Variants in SNAP25 observed in about 807,000 individuals in gnomAD.
The protein encoded by SNAP25 is synaptosome associated protein 25, also known as synaptosomal-associated protein 25.
Under a neutral mutation model 28.7 loss-of-function variants are expected in SNAP25, and 3 were observed. The ratio of observed to expected loss-of-function variants is 0.10; its 90% confidence interval spans 0.05 to 0.27. The LOEUF (loss-of-function observed/expected upper bound fraction) is 0.27. Ranked by LOEUF, SNAP25 falls within the 10% of genes least tolerant of loss-of-function variation. The pLI is 1.00. For synonymous variants in SNAP25, 61 were observed against 88.1 expected, an observed-to-expected ratio of 0.69 and a Z score of 1.72; for missense variants, 117 against 278.7, an observed-to-expected ratio of 0.42 and a Z score of 4.13.
In SNAP25 at chr20:10,277,740, G is replaced by A; in HGVS notation, c.114+14G>A. On this transcript the variant is annotated intron_variant, in intron 3 of 7. Transcript: ENST00000254976. ...CTGGTTGAAGAGGTAAGAAGTGACA[G>A]TATTTTAAGATAAAGGAACAAATCC... 6.2e-7 allele frequency: 1 copy of A among 1,612,104 alleles called. No individual in the cohort carries two copies. Among genetic ancestry groups the A allele is most frequent in the East Asian group, 2.2e-5 (1 of 44,864 alleles).
Position 10,288,497 on chromosome 20 carries a change from C to A in SNAP25, c.163+3725C>A, listed in dbSNP as rs1479159758. Among the ~76,000 whole-genome samples the A allele has an allele frequency of 2.6e-5, 4 of 152,146 alleles. No individual in the cohort carries two copies. In the East Asian group the frequency reaches 7.7e-4, roughly 29 times the overall value. Reference sequence around the variant, plus strand: ...ATTTGCTGAAATCTTCATAAAAATGCAAAAATATATCTTCTTTAGCACAAA... The same window carrying A: ...ATTTGCTGAAATCTTCATAAAAATGAAAAAATATATCTTCTTTAGCACAAA... On this transcript the variant is annotated intron_variant, in intron 4 of 7. Transcript: ENST00000254976.
chr20:10,252,946 C>T (rs1190761419), intron 1 of SNAP25, among the ~76,000 whole-genome samples: 1 of 151,934 alleles, frequency 6.6e-6, no homozygotes, highest in Non-Finnish European at 1.5e-5. Flanking sequence ...AATAATAGAT[C>T]TCTGTTTCAT....
intron 1 of SNAP25, among the ~76,000 whole-genome samples, chr20:10,258,355 ACTC>A (rs1324243934): frequency 4.0e-5 from 6 of 151,740 alleles, no homozygotes; most frequent in African/African-American, 1.2e-4. Context: ...TTCATCACAT[ACTC>A]CTTCTATATT....
At chr20:10,294,076 A>G (rs2064053986) in intron 5 of SNAP25, among the ~76,000 whole-genome samples, 1 of 152,204 alleles carries the variant, frequency 6.6e-6, no homozygotes, top group African/African-American at 2.4e-5. Flanking sequence ...GTTCTGGAAG[A>G]TTGTCTCATT....
At chr20:10,284,584 C>T in intron 3 of SNAP25, 140 bp from the exon 4 acceptor site, 1 of 700,262 alleles carries the variant, frequency 1.4e-6, no homozygotes, top group Non-Finnish European at 2.5e-6. Flanking sequence ...CCTCAGGGCT[C>T]TTGTCATACT....
At position 10,253,798 on chromosome 20, in the gene SNAP25, G is replaced by A. The variant is rs543664121; in HGVS notation, c.-63-21631G>A. On this transcript the variant is annotated intron_variant, in intron 1 of 7. Transcript: ENST00000254976. The stretch of plus-strand genomic sequence containing the variant: ...CTGGCAGTTGTAGATGTGGTTTAGT[G>A]ACATTTGTACATTTTGTGATCTACA... 4.6e-5 allele frequency among the ~76,000 whole-genome samples: 7 copies of A among 152,294 alleles called. No homozygotes were observed. The East Asian group carries it at 1.3e-3, about 29-fold the overall frequency.
intron 1 of SNAP25, among the ~76,000 whole-genome samples, chr20:10,254,188 T>C (rs2063279479): frequency 1.3e-5 from 2 of 152,234 alleles, no homozygotes; most frequent in South Asian, 4.1e-4. Context: ...TACAGAAAGT[T>C]GCTTCATCCA....
At chr20:10,226,181 T>G (rs1197846726) in intron 1 of SNAP25, among the ~76,000 whole-genome samples, 1 of 152,198 alleles carries the variant, frequency 6.6e-6, no homozygotes, top group Non-Finnish European at 1.5e-5. Context: ...TAAATCACAC[T>G]GTGACTTCTC....
intron 1 of SNAP25, among the ~76,000 whole-genome samples, chr20:10,252,834 A>G (rs1419415135): frequency 6.6e-6 from 1 of 151,842 alleles, no homozygotes; most frequent in Non-Finnish European, 1.5e-5. Flanking sequence ...TCTCGACTCA[A>G]AGAGATTTAA....
chr20:10,275,174 C>A (rs1159373760), intron 1 of SNAP25, among the ~76,000 whole-genome samples: 1 of 152,070 alleles, frequency 6.6e-6, no homozygotes, highest in African/African-American at 2.4e-5. Context: ...ATTCCCAACC[C>A]TTGGGTAGTT....
intron 4 of SNAP25, among the ~76,000 whole-genome samples, chr20:10,292,463 G>A (rs1365810721): frequency 6.6e-6 from 1 of 152,154 alleles, no homozygotes; most frequent in Non-Finnish European, 1.5e-5. Context: ...TTATCTGGTT[G>A]AGGATGCTTA....
At chr20:10,231,062 T>C (rs2062821214) in intron 1 of SNAP25, among the ~76,000 whole-genome samples, 1 of 152,080 alleles carries the variant, frequency 6.6e-6, no homozygotes, top group Non-Finnish European at 1.5e-5. Flanking sequence ...CTCTGAAGGA[T>C]ACCAAATAGG....
chr20:10,270,020 G>A (rs1276607201), intron 1 of SNAP25, among the ~76,000 whole-genome samples: 4 of 151,662 alleles, frequency 2.6e-5, no homozygotes, highest in African/African-American at 7.3e-5. Context: ...TTGGGAGGCC[G>A]AGGCGGGCGG....
At chr20:10,244,734 T>A (rs1486143079) in intron 1 of SNAP25, among the ~76,000 whole-genome samples, 1 of 111,732 alleles carries the variant, frequency 8.9e-6, no homozygotes, top group South Asian at 2.6e-4. Flanking sequence ...TCTTTCTCTC[T>A]TTTTTTTTTT....
intron 1 of SNAP25, among the ~76,000 whole-genome samples, chr20:10,263,177 C>T (rs949018810): frequency 6.6e-6 from 1 of 151,986 alleles, no homozygotes. Context: ...CGCCACCATG[C>T]CCGGCTAATT....
At chr20:10,256,719 CA>C (rs1431283320) in intron 1 of SNAP25, among the ~76,000 whole-genome samples, 3 of 151,540 alleles carry the variant, frequency 2.0e-5, no homozygotes, top group African/African-American at 7.3e-5. Context: ...GCCTAACTTA[CA>C]ATGGCAAAAA....
At chr20:10,264,917 G>GTTTTTTTTTTT (rs1568600552) in intron 1 of SNAP25, among the ~76,000 whole-genome samples, 1 of 136,074 alleles carries the variant, frequency 7.3e-6, no homozygotes, top group African/African-American at 3.1e-5. Context: ...CTCAGACCAT[G>GTTTTTTTTTTT]CTTTTTTTTT....
intron 4 of SNAP25, among the ~76,000 whole-genome samples, chr20:10,287,361 C>T (rs2063902028): frequency 6.6e-6 from 1 of 152,040 alleles, no homozygotes; most frequent in African/African-American, 2.4e-5. Flanking sequence ...CATGAACAGA[C>T]ACTTCTCAAA....
chr20:10,254,531 A>C (rs926097897), intron 1 of SNAP25, among the ~76,000 whole-genome samples: 3 of 151,424 alleles, frequency 2.0e-5, no homozygotes, highest in African/African-American at 7.3e-5. Flanking sequence ...TTTCCCGCGC[A>C]CTCCCACCTC....
Sources: allele counts gnomAD v4.1 joint callset (sites outside exome capture counted in the v4.1 genomes callset), GRCh38; gene constraint gnomAD v4.1.1; transcripts MANE v1.5; gene names NCBI Gene and HGNC (gene_info 2026-07-23, HGNC 2026-07-21).